The following CREBBP variants were observed in gnomAD, a reference collection of about 807,000 sequenced individuals.
The protein encoded by CREBBP is CREB-binding protein.
Under a neutral mutation model 265.0 loss-of-function variants are expected in CREBBP, and 19 were observed. That is an observed-to-expected ratio of 0.07 (90% CI 0.05 to 0.11). The LOEUF (loss-of-function observed/expected upper bound fraction) is 0.11. CREBBP is among the 10% of genes least tolerant of loss of function. The probability of loss-of-function intolerance (pLI) is 1.00; values close to 1 mark genes in which losing one functional copy is unlikely to be tolerated. For synonymous variants in CREBBP, 1,457 were observed against 1,223.7 expected, an observed-to-expected ratio of 1.19 and a Z score of -3.98; for missense variants, 2,525 against 3,219.0, an observed-to-expected ratio of 0.78 and a Z score of 5.22.
intron 1 of CREBBP, among the ~76,000 whole-genome samples, chr16:3,860,615 A>G (rs1056642508): frequency 5.9e-5 from 9 of 152,222 alleles, no homozygotes; most frequent in Admixed American, 5.2e-4. Flanking sequence ...GATATTTCAA[A>G]ACATCATGTT....
intron 1 of CREBBP, among the ~76,000 whole-genome samples, chr16:3,868,723 G>A (rs1205219326): frequency 6.6e-6 from 1 of 151,968 alleles, no homozygotes; most frequent in Non-Finnish European, 1.5e-5. Context: ...GTCAGACATC[G>A]AGCTGAGTGT....
At chr16:3,741,189 C>A (rs954007705) in intron 23 of CREBBP, 5 of 167,760 alleles carry the variant, frequency 3.0e-5, no homozygotes, top group Admixed American at 5.5e-5. Context: ...CCCGGGAGGG[C>A]TACCGTCACA....
chr16:3,770,563 G>A lies in CREBBP; in HGVS notation c.2880+7C>T, dbSNP rs1306465990. On this transcript the variant is annotated splice_region_variant and intron_variant, in intron 14 of 30. Transcript: ENST00000262367. ...GGCCCAAAAACAGCAGAGACAGAGA[G>A]GCTTACCGGTGTGCCAGGAGGCTGG... is the stretch of plus-strand genomic sequence containing the variant. The A allele has an allele frequency of 6.2e-7, 1 of 1,612,358 alleles. No individual in the cohort carries two copies. Among genetic ancestry groups the A allele is most frequent in the Non-Finnish European group, 8.5e-7 (1 of 1,179,886 alleles).
Position 3,744,158 on chromosome 16 carries a change from C to T in CREBBP, c.3982+736G>A, listed in dbSNP as rs935240334. On this transcript the variant is annotated intron_variant, in intron 23 of 30. Coordinates refer to ENST00000262367, the MANE Select transcript of CREBBP (RefSeq NM_004380.3). ...CCTTCTATTTCTGCACAGGCACCACCAGCTGCAGTAACATGTCCAGCCAAG... is the reference window on the plus strand; with the variant it reads ...CCTTCTATTTCTGCACAGGCACCACTAGCTGCAGTAACATGTCCAGCCAAG... 7.2e-5 allele frequency among the ~76,000 whole-genome samples: 11 copies of T among 152,310 alleles called. No homozygotes were observed. The South Asian group carries it at 1.2e-3, about 17-fold the overall frequency.
In CREBBP at chr16:3,850,580, C is replaced by G. The variant is rs772655917; in HGVS notation, c.515G>C (p.Gly172Ala). 6.2e-7 allele frequency: 1 copy of G among 1,614,246 alleles called. No individual in the cohort carries two copies. Among genetic ancestry groups the G allele is most frequent in the Non-Finnish European group, 8.5e-7 (1 of 1,180,056 alleles). ...GTTAGCATTCATGCAGATACCAGGTCCAGTCTGTGACGTGGCAGGGCTGCT... is the reference window on the plus strand; with the variant it reads ...GTTAGCATTCATGCAGATACCAGGTGCAGTCTGTGACGTGGCAGGGCTGCT... ...ATSSPATSQT[G>A]PGICMNANFN... The change falls in exon 2 of 31, where the codon GGA becomes GCA. Residue 172 changes from glycine (G) to alanine (A), a missense_variant. Gly to Ala is a moderately conservative substitution (Grantham distance 60). This residue lies in a region of CREBBP where 356 missense variants were observed against 340.4 expected (regional missense o/e 1.05). Coordinates refer to ENST00000262367, the MANE Select transcript of CREBBP (RefSeq NM_004380.3).
intron 16 of CREBBP, among the ~76,000 whole-genome samples, chr16:3,763,685 A>C (rs1021962029): frequency 6.6e-6 from 1 of 152,034 alleles, no homozygotes; most frequent in African/African-American, 2.4e-5. Flanking sequence ...GCTGGTCTGG[A>C]ACTCCTGACC....
chr16:3,801,191 C>T (rs989241358), intron 3 of CREBBP, among the ~76,000 whole-genome samples: 13 of 152,206 alleles, frequency 8.5e-5, no homozygotes, highest in African/African-American at 2.4e-4. Context: ...CTCTGTGCCC[C>T]TCCTCCACAG....
At chr16:3,874,690 T>C (rs2055364929) in intron 1 of CREBBP, among the ~76,000 whole-genome samples, 1 of 152,150 alleles carries the variant, frequency 6.6e-6, no homozygotes, top group Non-Finnish European at 1.5e-5. Context: ...CTGTAGCCCC[T>C]CTCTCACAGT....
At chr16:3,767,935 TATGA>T (rs2052897770) in intron 15 of CREBBP, 26 bp from the exon 16 acceptor site, 1 of 1,610,024 alleles carries the variant, frequency 6.2e-7, no homozygotes, top group Non-Finnish European at 8.5e-7. Context: ...ACAGATAACA[TATGA>T]ATATCAAACA....
chr16:3,727,766 G>T lies in CREBBP; in HGVS notation c.7281C>A (p.Val2427=), dbSNP rs764396354. 1.2e-6 allele frequency: 2 copies of T among 1,614,002 alleles called. No homozygotes were observed. The highest frequency in any genetic ancestry group is 1.3e-5 in the African/African-American group (1 of 74,892). The part of the protein sequence containing the change: ...RSALSSELSL[V]GDTTGDTLEK... The stretch of plus-strand genomic sequence containing the variant: ...CTAGCGTGTCCCCCGTGGTGTCCCC[G>T]ACCAGGGACAGTTCGCTGGACAGCG... Residue 2427 remains valine, a synonymous_variant, in exon 31 of 31, where the codon GTC becomes GTA. Coordinates refer to ENST00000262367, the MANE Select transcript of CREBBP (RefSeq NM_004380.3).
intron 2 of CREBBP, among the ~76,000 whole-genome samples, chr16:3,846,184 A>G (rs1019773563): frequency 5.3e-5 from 8 of 152,228 alleles, no homozygotes; most frequent in African/African-American, 1.9e-4. Context: ...CAAACAATTC[A>G]AGAGACAAAT....
intron 21 of CREBBP, among the ~76,000 whole-genome samples, chr16:3,745,911 G>A (rs1158548008): frequency 1.3e-5 from 2 of 152,256 alleles, no homozygotes; most frequent in Non-Finnish European, 2.9e-5. Flanking sequence ...CTGGCAAGTT[G>A]ACAAGGGTTT....
At position 3,770,112 on chromosome 16, in the gene CREBBP, C is replaced by T. The variant is rs764269318; in HGVS notation, c.2880+458G>A. On this transcript the variant is annotated intron_variant, in intron 14 of 30. Transcript: ENST00000262367. ...CTCGAACTCCTGAGCTCCGGTGATC[C>T]GCCTGCCTCAGCCTCCCAAAGTAGT... Among the ~76,000 whole-genome samples the T allele has an allele frequency of 6.6e-5, 10 of 152,284 alleles. No homozygotes were observed. In the South Asian group the frequency reaches 8.3e-4, roughly 13 times the overall value.
intron 3 of CREBBP, among the ~76,000 whole-genome samples, chr16:3,809,296 GCCT>G (rs2053891155): frequency 6.6e-6 from 1 of 151,980 alleles, no homozygotes; most frequent in Admixed American, 6.6e-5. Context: ...TCTTGCCTCA[GCCT>G]CCTGAGTAGC....
At chr16:3,768,023 C>T (rs1208955875) in intron 15 of CREBBP, 114 bp from the exon 16 acceptor site, 4 of 921,700 alleles carry the variant, frequency 4.3e-6, no homozygotes, top group Non-Finnish European at 7.0e-6. Flanking sequence ...TTCCTCTAGT[C>T]AGAGTTGCAT....
chr16:3,843,753 A>G (rs891988034), intron 2 of CREBBP, among the ~76,000 whole-genome samples: 1 of 152,020 alleles, frequency 6.6e-6, no homozygotes, highest in Non-Finnish European at 1.5e-5. Flanking sequence ...CTTCCTAGGG[A>G]AAAAAAGGCT....
intron 2 of CREBBP, among the ~76,000 whole-genome samples, chr16:3,844,065 G>A (rs1385122953): frequency 6.9e-6 from 1 of 144,386 alleles, no homozygotes; most frequent in African/African-American, 2.6e-5. Context: ...GGAGAATGGC[G>A]TGAACCCGGG....
At position 3,879,944 on chromosome 16, in the gene CREBBP, G is replaced by A. The variant is rs1336418021; in HGVS notation, c.-28C>T. The A allele has an allele frequency of 3.1e-6, 5 of 1,601,284 alleles. No homozygotes were observed. Among genetic ancestry groups the A allele is most frequent in the Non-Finnish European group, 4.3e-6 (5 of 1,173,832 alleles). On this transcript the variant is annotated 5_prime_UTR_variant, in exon 1 of 31. Coordinates refer to ENST00000262367, the MANE Select transcript of CREBBP (RefSeq NM_004380.3). ...TCACCTGCTCGCGAAAACAGCCCCG[G>A]GCACGGGCGGCCGGGCCGGCGAGGG...
At chr16:3,743,619 T>C (rs1038853882) in intron 23 of CREBBP, 2 of 152,212 alleles carry the variant, frequency 1.3e-5, no homozygotes, top group Non-Finnish European at 2.9e-5. Context: ...GGCAAGTCAA[T>C]GTTAGAACAC....
Sources: allele counts gnomAD v4.1 joint callset (sites outside exome capture counted in the v4.1 genomes callset), GRCh38; gene constraint gnomAD v4.1.1; regional missense constraint gnomAD v4.1.1; transcripts MANE v1.5; gene names NCBI Gene and HGNC (gene_info 2026-07-23, HGNC 2026-07-21).